Variants in RAB33B observed in about 807,000 individuals in gnomAD.
RAB33B encodes ras-related protein Rab-33B.
In RAB33B, 6 loss-of-function variants were observed where a neutral mutation model predicts 15.0. That is an observed-to-expected ratio of 0.40 (90% CI 0.22 to 0.79). The LOEUF (loss-of-function observed/expected upper bound fraction) is 0.79, where lower values mean the gene tolerates loss of function less well. Ranked by LOEUF, RAB33B falls within the 30% of genes least tolerant of loss-of-function variation. The pLI, the probability that RAB33B is intolerant of heterozygous loss-of-function variation, is 0.37. For synonymous variants in RAB33B, 117 were observed against 108.3 expected, an observed-to-expected ratio of 1.08 and a Z score of -0.50; for missense variants, 257 against 296.4, an observed-to-expected ratio of 0.87 and a Z score of 0.98.
intron 1 of RAB33B, among the ~76,000 whole-genome samples, chr4:139,469,387 T>C (rs1416346325): frequency 6.6e-6 from 1 of 152,242 alleles, no homozygotes; most frequent in Non-Finnish European, 1.5e-5. Context: ...GTTGAATTTA[T>C]CTGGTAGTAT....
At chr4:139,470,614 A>G (rs1275327369) in intron 1 of RAB33B, among the ~76,000 whole-genome samples, 1 of 152,188 alleles carries the variant, frequency 6.6e-6, no homozygotes, top group Non-Finnish European at 1.5e-5. Context: ...GTTTTGCCCT[A>G]TAGCCACCAC....
At chr4:139,454,021 T>C (rs1750007737), upstream of RAB33B, 18 of 685,982 alleles carry the variant, frequency 2.6e-5, no homozygotes, top group Middle Eastern at 4.3e-4. Flanking sequence ...GCCACACCTG[T>C]GCGGGCAAGG....
At position 139,454,192 on chromosome 4, in the gene RAB33B, G is replaced by C. The variant is rs761857133; in HGVS notation, c.-4G>C. On this transcript the variant is annotated 5_prime_UTR_variant, in exon 1 of 2. Coordinates refer to ENST00000305626, the MANE Select transcript of RAB33B (RefSeq NM_031296.3). ...TCCGCCTCAGTTTGGGGCGGGTCGG[G>C]GGAATGGCTGAGGAGATGGAGTCGT... 9.9e-6 allele frequency: 16 copies of C among 1,608,514 alleles called. No homozygotes were observed. The African/African-American group carries it at 2.1e-4, about 21-fold the overall frequency.
intron 1 of RAB33B, among the ~76,000 whole-genome samples, chr4:139,471,060 GT>G (rs1750379359): frequency 1.3e-5 from 2 of 152,088 alleles, no homozygotes; most frequent in South Asian, 4.1e-4. Flanking sequence ...TGGAGTCTCA[GT>G]ATGTCTCCTG....
intron 1 of RAB33B, among the ~76,000 whole-genome samples, chr4:139,460,419 G>T (rs1168809821): frequency 6.6e-6 from 1 of 152,138 alleles, no homozygotes; most frequent in Admixed American, 6.5e-5. Context: ...TTTTTTTATG[G>T]CATGATGAAG....
upstream of RAB33B, chr4:139,451,848 T>A (rs140737848): frequency 6.6e-6 from 1 of 152,364 alleles, no homozygotes; most frequent in Non-Finnish European, 1.5e-5. Flanking sequence ...AAGGGTTACA[T>A]GTTCACACTT....
chr4:139,441,987 AT>A, the RAB33B span, among the ~76,000 whole-genome samples: 4 of 151,724 alleles, frequency 2.6e-5, no homozygotes, highest in Non-Finnish European at 4.4e-5. Context: ...TCATGTTTCT[AT>A]TTTTTTTGTT....
chr4:139,462,935 G>A (rs764635029), intron 1 of RAB33B, among the ~76,000 whole-genome samples: 125 of 152,236 alleles, frequency 8.2e-4, no homozygotes, highest in Non-Finnish European at 1.6e-3. Flanking sequence ...CAGCACTTTG[G>A]GAGGCCGATC....
chr4:139,439,284 G>A, the RAB33B span, among the ~76,000 whole-genome samples: 1 of 152,198 alleles, frequency 6.6e-6, no homozygotes, highest in Admixed American at 6.5e-5. Context: ...ACAGGCGTGA[G>A]CCACTGTGCC....
chr4:139,441,332 A>G, the RAB33B span, among the ~76,000 whole-genome samples: 1 of 152,238 alleles, frequency 6.6e-6, no homozygotes, highest in Non-Finnish European at 1.5e-5. Context: ...ACAGAGACAC[A>G]TTGCAAATGA....
chr4:139,475,857 A>G lies in RAB33B; in HGVS notation c.*2731A>G, dbSNP rs1439380890. 1 of 152,174 alleles carries G rather than the reference A, an allele frequency of 6.6e-6. No individual in the cohort carries two copies. Among genetic ancestry groups the G allele is most frequent in the Admixed American group, 6.5e-5 (1 of 15,274 alleles). 9.4% of individuals were successfully genotyped at this position (152,174 alleles called of 1,614,324 possible). A position where few individuals can be genotyped will look rare whatever the true frequency, so the allele number is the denominator to read the frequency against. ...GAAATCTAAGTAATTTTGTTGTGGAATAGTGTCACTGTTACATTTCCCCCA... is the reference window on the plus strand; with the variant it reads ...GAAATCTAAGTAATTTTGTTGTGGAGTAGTGTCACTGTTACATTTCCCCCA... On this transcript the variant is annotated 3_prime_UTR_variant, in exon 2 of 2. Coordinates refer to ENST00000305626, the MANE Select transcript of RAB33B (RefSeq NM_031296.3).
At chr4:139,458,371 A>G (rs909178531) in intron 1 of RAB33B, among the ~76,000 whole-genome samples, 2 of 152,154 alleles carry the variant, frequency 1.3e-5, no homozygotes, top group Non-Finnish European at 2.9e-5. Flanking sequence ...TTTGGTGTAC[A>G]GATTATTTTG....
chr4:139,470,070 C>T (rs1002612416), intron 1 of RAB33B, among the ~76,000 whole-genome samples: 1 of 152,260 alleles, frequency 6.6e-6, no homozygotes, highest in Non-Finnish European at 1.5e-5. Context: ...TATGTTTACT[C>T]AAGGCCCTAG....
intron 1 of RAB33B, among the ~76,000 whole-genome samples, chr4:139,463,466 T>TA (rs1423751887): frequency 6.6e-6 from 1 of 152,234 alleles, no homozygotes; most frequent in Non-Finnish European, 1.5e-5. Context: ...TTATAATGTT[T>TA]AAAATGGCAA....
At chr4:139,448,471 G>A (rs1749864452), upstream of RAB33B, 1 of 152,068 alleles carries the variant, frequency 6.6e-6, no homozygotes, top group African/African-American at 2.4e-5. Flanking sequence ...CCTTGCTCTT[G>A]TTGCCCAGTC....
intron 1 of RAB33B, among the ~76,000 whole-genome samples, chr4:139,455,451 A>G (rs1750051411): frequency 6.6e-6 from 1 of 152,174 alleles, no homozygotes. Context: ...CTACCCTCGT[A>G]TCTTAGAGGC....
intron 1 of RAB33B, among the ~76,000 whole-genome samples, chr4:139,464,290 T>A (rs1381421788): frequency 6.8e-6 from 1 of 146,592 alleles, no homozygotes; most frequent in Non-Finnish European, 1.5e-5. Context: ...AAAATAAAAA[T>A]AAAAAAGGGG....
chr4:139,450,908 T>C (rs1268048408), upstream of RAB33B: 2 of 151,456 alleles, frequency 1.3e-5, no homozygotes, highest in Non-Finnish European at 3.0e-5. Flanking sequence ...TCTACTTTTT[T>C]TTTTTTTTTT....
chr4:139,446,098 C>G, the RAB33B span, among the ~76,000 whole-genome samples: 688 of 152,260 alleles, frequency 4.5e-3, 6 homozygotes, highest in African/African-American at 0.015. Flanking sequence ...GTGGTATATA[C>G]GTGATCAGGC....
Sources: gnomAD v4.1 joint callset for allele counts (sites outside exome capture counted in the v4.1 genomes callset) on GRCh38, gnomAD v4.1.1 for gene constraint, MANE v1.5 for transcripts, NCBI Gene and HGNC (gene_info 2026-07-23, HGNC 2026-07-21) for gene names.